Variants in KCNMB2 observed in about 807,000 individuals in gnomAD.
KCNMB2 encodes potassium calcium-activated channel subfamily M regulatory beta subunit 2, also known as calcium-activated potassium channel subunit beta-2.
KCNMB2 carries 9 observed loss-of-function variants against 24.5 expected under a neutral mutation model. The ratio of observed to expected loss-of-function variants is 0.37; its 90% CI spans 0.22 to 0.64. KCNMB2 has a LOEUF of 0.64. Ranked by LOEUF, KCNMB2 falls within the 30% of genes least tolerant of loss-of-function variation. KCNMB2 has a pLI of 0.63. For synonymous variants in KCNMB2, 109 were observed against 104.4 expected, an observed-to-expected ratio of 1.04 and a Z score of -0.27; for missense variants, 226 against 284.3, an observed-to-expected ratio of 0.79 and a Z score of 1.47.
chr3:178,669,115 G>A (rs1268943572), intron 1 of KCNMB2, among the ~76,000 whole-genome samples: 4 of 152,172 alleles, frequency 2.6e-5, no homozygotes, highest in Non-Finnish European at 5.9e-5. Context: ...AATGACTGGT[G>A]TAGTGTGTAG....
At chr3:178,680,877 T>C (rs567590477) in intron 1 of KCNMB2, among the ~76,000 whole-genome samples, 1 of 152,178 alleles carries the variant, frequency 6.6e-6, no homozygotes, top group South Asian at 2.1e-4. Flanking sequence ...CCTAAACAGA[T>C]GCCCCTGAAG....
At chr3:178,820,938 C>G (rs934165823) in intron 2 of KCNMB2, among the ~76,000 whole-genome samples, 2 of 152,208 alleles carry the variant, frequency 1.3e-5, no homozygotes, top group African/African-American at 4.8e-5. Flanking sequence ...GAAGCCAAGA[C>G]TATCTCAACA....
At chr3:178,566,702 G>A (rs191527912) in intron 1 of KCNMB2, among the ~76,000 whole-genome samples, 15 of 152,166 alleles carry the variant, frequency 9.9e-5, no homozygotes, top group Admixed American at 2.6e-4. Flanking sequence ...TTTAAATTTA[G>A]ATAAATGTGT....
chr3:178,600,029 C>T (rs953500124), intron 1 of KCNMB2, among the ~76,000 whole-genome samples: 1 of 152,130 alleles, frequency 6.6e-6, no homozygotes, highest in African/African-American at 2.4e-5. Flanking sequence ...AGGTGTGTGC[C>T]ACCATGCCCA....
intron 1 of KCNMB2, among the ~76,000 whole-genome samples, chr3:178,727,110 A>G (rs1722990982): frequency 6.6e-6 from 1 of 152,166 alleles, no homozygotes; most frequent in East Asian, 1.9e-4. Context: ...GTGTGTATTG[A>G]AGTAACAGGA....
chr3:178,712,352 T>C (rs1391257271), intron 1 of KCNMB2, among the ~76,000 whole-genome samples: 6 of 152,232 alleles, frequency 3.9e-5, no homozygotes, highest in Non-Finnish European at 7.3e-5. Flanking sequence ...CAGTTCATAC[T>C]GCATACAGTC....
chr3:178,578,551 G>A (rs1717075440), intron 1 of KCNMB2, among the ~76,000 whole-genome samples: 1 of 152,102 alleles, frequency 6.6e-6, no homozygotes. Context: ...ATGTAAACAG[G>A]CTAAATGCCC....
chr3:178,784,810 T>C (rs1029215124), intron 1 of KCNMB2, among the ~76,000 whole-genome samples: 6 of 151,334 alleles, frequency 4.0e-5, no homozygotes. Context: ...TAGTGTCTTT[T>C]GCATTGTAAA....
At chr3:178,711,371 A>G (rs745944422) in intron 1 of KCNMB2, among the ~76,000 whole-genome samples, 8 of 152,176 alleles carry the variant, frequency 5.3e-5, no homozygotes, top group Non-Finnish European at 1.2e-4. Context: ...TGCATCCTGC[A>G]CAGAGAGAAC....
chr3:178,698,899 C>T (rs979092910), intron 1 of KCNMB2, among the ~76,000 whole-genome samples: 1 of 152,248 alleles, frequency 6.6e-6, no homozygotes, highest in Non-Finnish European at 1.5e-5. Context: ...CAGCTCCCAA[C>T]TGCTAGACTG....
chr3:178,778,503 C>CCTGTT (rs1712691578), intron 1 of KCNMB2, among the ~76,000 whole-genome samples: 1 of 149,342 alleles, frequency 6.7e-6, no homozygotes, highest in South Asian at 2.1e-4. Flanking sequence ...CACACACACA[C>CCTGTT]CTGTTCCAGG....
At chr3:178,841,249 T>C (rs1309493738) in intron 4 of KCNMB2, among the ~76,000 whole-genome samples, 2 of 152,240 alleles carry the variant, frequency 1.3e-5, no homozygotes, top group African/African-American at 4.8e-5. Context: ...TGAAACTACC[T>C]CATTCCAGAC....
At chr3:178,673,850 C>A (rs1720984262) in intron 1 of KCNMB2, among the ~76,000 whole-genome samples, 1 of 152,138 alleles carries the variant, frequency 6.6e-6, no homozygotes. Context: ...GCCTAACAAG[C>A]CTCTGCCTAC....
intron 1 of KCNMB2, among the ~76,000 whole-genome samples, chr3:178,694,151 A>C (rs149623148): frequency 2.0e-5 from 3 of 152,144 alleles, no homozygotes; most frequent in Admixed American, 1.3e-4. Context: ...ATCCTCCTTC[A>C]TGTGGCAGCA....
chr3:178,538,534 T>A (rs1474655695), intron 1 of KCNMB2, among the ~76,000 whole-genome samples: 2 of 152,242 alleles, frequency 1.3e-5, no homozygotes, highest in African/African-American at 4.8e-5. Context: ...GCCTCTGGTC[T>A]TACCGATATC....
intron 1 of KCNMB2, among the ~76,000 whole-genome samples, chr3:178,684,723 C>T (rs1050964547): frequency 7.9e-5 from 12 of 151,944 alleles, no homozygotes; most frequent in African/African-American, 2.9e-4. Context: ...CCCAACTACT[C>T]GGGAGGCTGA....
At chr3:178,541,697 C>A (rs1438009235) in intron 1 of KCNMB2, among the ~76,000 whole-genome samples, 1 of 152,136 alleles carries the variant, frequency 6.6e-6, no homozygotes, top group Non-Finnish European at 1.5e-5. Flanking sequence ...CTGAGACAAA[C>A]ACAAGCATTA....
At chr3:178,636,622 G>A (rs942519712) in intron 1 of KCNMB2, among the ~76,000 whole-genome samples, 1 of 152,184 alleles carries the variant, frequency 6.6e-6, no homozygotes, top group Non-Finnish European at 1.5e-5. Flanking sequence ...GAAGCTTCCA[G>A]CACTCTTTTC....
At chr3:178,783,077 G>C (rs907000042) in intron 1 of KCNMB2, among the ~76,000 whole-genome samples, 54 of 150,736 alleles carry the variant, frequency 3.6e-4, no homozygotes, top group African/African-American at 1.3e-3. Flanking sequence ...GTTTTTCTCA[G>C]GTTTGTCAAA....
Sources: gnomAD v4.1 joint callset for allele counts (sites outside exome capture counted in the v4.1 genomes callset) on GRCh38, gnomAD v4.1.1 for gene constraint, MANE v1.5 for transcripts, NCBI Gene and HGNC (gene_info 2026-07-23, HGNC 2026-07-21) for gene names.